The following TRAF3 variants were observed in gnomAD, a reference collection of about 807,000 sequenced individuals.
TRAF3 encodes TNF receptor associated factor 3.
Under a neutral mutation model 62.3 loss-of-function variants are expected in TRAF3, and 13 were observed. The ratio of observed to expected loss-of-function variants is 0.21; its 90% confidence interval spans 0.14 to 0.33. The LOEUF (loss-of-function observed/expected upper bound fraction) is 0.33. TRAF3 is among the 10% of genes least tolerant of loss of function. The pLI is 1.00. For synonymous variants in TRAF3, 269 were observed against 283.4 expected (o/e 0.95, Z 0.51); for missense variants, 440 against 741.8 (o/e 0.59, Z 4.73).
At chr14:102,805,204 C>G (rs4145823) in intron 1 of TRAF3, among the ~76,000 whole-genome samples, 129,883 of 152,236 alleles carry the variant, frequency 0.85, 55,689 homozygotes, top group East Asian at 0.95. Context: ...CCCATCACCA[C>G]TCCCATCATG....
At chr14:102,806,443 A>T (rs898822102) in intron 1 of TRAF3, among the ~76,000 whole-genome samples, 3 of 152,188 alleles carry the variant, frequency 2.0e-5, no homozygotes, top group Non-Finnish European at 4.4e-5. Flanking sequence ...GGTTAGCAGA[A>T]TGGGAATTTT....
intron 2 of TRAF3, among the ~76,000 whole-genome samples, chr14:102,863,733 T>G (rs566285249): frequency 2.5e-4 from 38 of 152,370 alleles, no homozygotes; most frequent in African/African-American, 9.1e-4. Context: ...TTGCCTCAAC[T>G]GTTATTCAGT....
Position 102,903,381 on chromosome 14 carries a change from G to A in TRAF3, c.1087G>A (p.Glu363Lys), listed in dbSNP as rs1434703651. The change falls in exon 11 of 12, where the codon GAG (glutamate) becomes AAG (lysine). Residue 363 changes from glutamate to lysine, a missense_variant. Glu to Lys is a moderately conservative substitution (Grantham distance 56, BLOSUM62 1). Coordinates refer to ENST00000392745, the MANE Select transcript of TRAF3 (RefSeq NM_145725.3). The surrounding 1 kb of genome is among the most constrained non-coding windows in gnomAD (Gnocchi z 6.4). ...GGAGTCCCTCCAGAACCGCGTGACC[G>A]AGCTGGAGAGCGTGGACAAGAGCGC... ...SVESLQNRVT[E>K]LESVDKSAGQ... The A allele has an allele frequency of 1.2e-6, 2 of 1,614,036 alleles. No individual in the cohort carries two copies. The highest frequency in any genetic ancestry group is 1.6e-4 in the Middle Eastern group (1 of 6,084).
Position 102,903,528 on chromosome 14 carries a change from G to GC in TRAF3, c.1135+101dup. On this transcript the variant is annotated intron_variant, in intron 11 of 11. Transcript: ENST00000392745. This position sits in a 1 kb window ranked among gnomAD's most constrained non-coding sequence, Gnocchi z 6.4. Reference sequence around the variant, plus strand: ...GATGAGGGCTATGTTAGGTACATGTGCCTTAGGACAGTTTTTTCTAATTAT... The same window carrying GC: ...GATGAGGGCTATGTTAGGTACATGTGCCCTTAGGACAGTTTTTTCTAATTAT... 6.5e-7 allele frequency: 1 copy of GC among 1,534,598 alleles called. No individual in the cohort carries two copies. Among genetic ancestry groups the GC allele is most frequent in the Non-Finnish European group, 8.9e-7 (1 of 1,123,622 alleles).
chr14:102,844,311 G>A (rs1193816625), intron 2 of TRAF3, among the ~76,000 whole-genome samples: 2 of 152,216 alleles, frequency 1.3e-5, no homozygotes, highest in African/African-American at 4.8e-5. Flanking sequence ...TTGATCATCT[G>A]ATTGAAAAAC....
intron 1 of TRAF3, among the ~76,000 whole-genome samples, chr14:102,800,081 T>C (rs1367374081): frequency 6.6e-6 from 1 of 152,222 alleles, no homozygotes; most frequent in East Asian, 1.9e-4. Flanking sequence ...ATTAGTGATT[T>C]ATTTCTCTTA....
At chr14:102,844,887 A>AG (rs970659596) in intron 2 of TRAF3, among the ~76,000 whole-genome samples, 1 of 151,938 alleles carries the variant, frequency 6.6e-6, no homozygotes, top group African/African-American at 2.4e-5. Context: ...AAAAAAAAAA[A>AG]AAAATGTTGT....
chr14:102,837,725 T>C (rs1469687281), intron 2 of TRAF3, among the ~76,000 whole-genome samples: 2 of 152,214 alleles, frequency 1.3e-5, no homozygotes, highest in Non-Finnish European at 2.9e-5. Flanking sequence ...TTGAGATATG[T>C]ATTTTGCCTC....
At chr14:102,810,480 A>G (rs1367052688) in intron 1 of TRAF3, among the ~76,000 whole-genome samples, 2 of 152,234 alleles carry the variant, frequency 1.3e-5, no homozygotes, top group South Asian at 2.1e-4. Context: ...TGAAATAAGT[A>G]TTCCATTTTT....
intron 1 of TRAF3, among the ~76,000 whole-genome samples, chr14:102,778,496 T>G (rs919830967): frequency 6.6e-6 from 1 of 152,182 alleles, no homozygotes; most frequent in African/African-American, 2.4e-5. Flanking sequence ...ACCTTCAGAT[T>G]ACGAGCTGTT....
intron 1 of TRAF3, among the ~76,000 whole-genome samples, chr14:102,796,349 T>G (rs180917634): frequency 2.9e-4 from 44 of 152,370 alleles, no homozygotes; most frequent in African/African-American, 8.9e-4. Context: ...TTTGCGTCCC[T>G]TCATCTGTGT....
intron 10 of TRAF3, among the ~76,000 whole-genome samples, chr14:102,902,222 G>A (rs946344421): frequency 1.3e-5 from 2 of 152,266 alleles, no homozygotes; most frequent in Non-Finnish European, 2.9e-5. Flanking sequence ...CTGCGTTCCT[G>A]CCTCCCTCGC....
chr14:102,838,762 G>A (rs1038855781), intron 2 of TRAF3, among the ~76,000 whole-genome samples: 1 of 152,142 alleles, frequency 6.6e-6, no homozygotes, highest in African/African-American at 2.4e-5. Context: ...CCAGAGGCTG[G>A]CTCGGAAGCA....
In TRAF3 at chr14:102,886,218, G is replaced by T; in HGVS notation, c.600G>T (p.Val200=). The T allele has an allele frequency of 6.2e-7, 1 of 1,613,260 alleles. No homozygotes were observed. The highest frequency in any genetic ancestry group is 8.5e-7 in the Non-Finnish European group (1 of 1,179,784). The change falls in exon 7 of 12, where the codon GTG becomes GTT. Residue 200 remains valine (V), a synonymous_variant. Coordinates refer to ENST00000392745, the MANE Select transcript of TRAF3 (RefSeq NM_145725.3). ...ACGAAGACACCGACTGTCCCTGCGT[G>T]GTGGTGTCCTGCCCTCACAAGTGCA... The part of the protein sequence containing the change: ...QKHEDTDCPC[V]VVSCPHKCSV...
intron 5 of TRAF3, 82 bp downstream of exon 5, chr14:102,875,810 A>T: frequency 6.6e-6 from 8 of 1,220,490 alleles, no homozygotes; most frequent in Non-Finnish European, 9.7e-6. Context: ...GGTCAGTAGG[A>T]TGTGGCACTT....
chr14:102,821,127 A>G (rs1899962514), intron 1 of TRAF3, among the ~76,000 whole-genome samples: 1 of 152,132 alleles, frequency 6.6e-6, no homozygotes, highest in African/African-American at 2.4e-5. Context: ...TTATTTCCGT[A>G]GCTTTTCTGT....
intron 3 of TRAF3, among the ~76,000 whole-genome samples, 177 bp downstream of exon 3, chr14:102,870,623 T>C (rs1888286164): frequency 6.6e-6 from 1 of 152,124 alleles, no homozygotes; most frequent in South Asian, 2.1e-4. Context: ...ATCCCACGTG[T>C]GGGTTTACTG....
chr14:102,783,081 C>T lies in TRAF3; in HGVS notation c.-157+5406C>T, dbSNP rs117133839. On this transcript the variant is annotated intron_variant, in intron 1 of 11. Coordinates refer to ENST00000392745, the MANE Select transcript of TRAF3 (RefSeq NM_145725.3). The stretch of plus-strand genomic sequence containing the variant: ...ATGAGGTGCTCGTTAGGCCTTCCCT[C>T]CTTCCACCAAGGGCCAGGCACATGG... Among the ~76,000 whole-genome samples the T allele has an allele frequency of 8.0e-3, 1,221 of 152,304 alleles. 7 individuals are homozygous for T. Among genetic ancestry groups the T allele is most frequent in the Non-Finnish European group, 0.012 (798 of 68,012 alleles).
At chr14:102,817,756 C>T (rs1899623750) in intron 1 of TRAF3, among the ~76,000 whole-genome samples, 1 of 152,218 alleles carries the variant, frequency 6.6e-6, no homozygotes, top group African/African-American at 2.4e-5. Flanking sequence ...CCTCAGGGTT[C>T]TCTCTCCTGT....
Sources: allele counts gnomAD v4.1 joint callset (sites outside exome capture counted in the v4.1 genomes callset), GRCh38; gene constraint gnomAD v4.1.1; non-coding constraint Gnocchi (gnomAD v3.1); transcripts MANE v1.5; gene names NCBI Gene and HGNC (gene_info 2026-07-23, HGNC 2026-07-21).